Variants in ZEB1 observed in about 807,000 individuals in gnomAD.
The protein encoded by ZEB1 is zinc finger E-box binding homeobox 1.
In ZEB1, 21 loss-of-function variants were observed where a neutral mutation model predicts 84.9. That is an observed-to-expected ratio of 0.25 (90% CI 0.18 to 0.36). ZEB1 has a LOEUF of 0.36. ZEB1 is among the 10% of genes least tolerant of loss of function. ZEB1 has a pLI of 1.00. For missense variants in ZEB1, 1,104 were observed against 1,330.2 expected, an observed-to-expected ratio of 0.83 and a Z score of 2.65; for synonymous variants, 420 against 471.1, an observed-to-expected ratio of 0.89 and a Z score of 1.41.
chr10:31,398,515 GT>G (rs1320092950), intron 1 of ZEB1, among the ~76,000 whole-genome samples: 1 of 151,860 alleles, frequency 6.6e-6, no homozygotes, highest in Non-Finnish European at 1.5e-5. Flanking sequence ...ATAATGTTGA[GT>G]TTTTTCCCCC....
chr10:31,371,723 A>G (rs1421004015), intron 1 of ZEB1, among the ~76,000 whole-genome samples: 1 of 152,188 alleles, frequency 6.6e-6, no homozygotes, highest in African/African-American at 2.4e-5. Flanking sequence ...GAACTTTGTT[A>G]GTCTCTGAAT....
At chr10:31,405,359 A>C (rs1174906753) in intron 1 of ZEB1, among the ~76,000 whole-genome samples, 1 of 152,196 alleles carries the variant, frequency 6.6e-6, no homozygotes, top group East Asian at 1.9e-4. Context: ...ACATAGTTTG[A>C]GAAGTAAAAA....
intron 1 of ZEB1, among the ~76,000 whole-genome samples, chr10:31,422,877 T>A (rs1376641215): frequency 6.6e-6 from 1 of 151,996 alleles, no homozygotes; most frequent in Non-Finnish European, 1.5e-5. Flanking sequence ...TATGTCTATG[T>A]GTGCCCAATG....
chr10:31,420,981 A>G (rs1215977777), intron 1 of ZEB1, among the ~76,000 whole-genome samples: 4 of 152,078 alleles, frequency 2.6e-5, no homozygotes, highest in Non-Finnish European at 5.9e-5. Context: ...CTGAGGACCA[A>G]TTTTCTTGTT....
chr10:31,502,287 G>A lies in ZEB1; in HGVS notation c.323-61G>A, dbSNP rs1281583291. 11 of 1,529,616 alleles carry A rather than the reference G, an allele frequency of 7.2e-6. No homozygotes were observed. In the East Asian group the frequency reaches 2.5e-4, roughly 35 times the overall value. 94.8% of individuals were successfully genotyped at this position (1,529,616 alleles called of 1,614,324 possible). On this transcript the variant is annotated intron_variant, in intron 3 of 8. Transcript: ENST00000424869. The stretch of plus-strand genomic sequence containing the variant: ...CTCAAGATAAATAATTTCTTATTTA[G>A]AAAACCTTTGTAATAACTTAGTGGT...
intron 1 of ZEB1, among the ~76,000 whole-genome samples, chr10:31,370,041 A>T (rs1354431013): frequency 1.3e-5 from 2 of 152,146 alleles, no homozygotes; most frequent in African/African-American, 2.4e-5. Context: ...GCCCATTTTT[A>T]AAAATTGGGT....
chr10:31,423,064 A>T (rs2056424215), intron 1 of ZEB1, among the ~76,000 whole-genome samples: 1 of 152,020 alleles, frequency 6.6e-6, no homozygotes, highest in Non-Finnish European at 1.5e-5. Context: ...ACATGTATAT[A>T]TATAAATGTA....
intron 1 of ZEB1, among the ~76,000 whole-genome samples, chr10:31,449,207 C>A (rs552464155): frequency 9.8e-5 from 15 of 152,316 alleles, no homozygotes; most frequent in South Asian, 2.1e-4. Context: ...TTCTTTGACT[C>A]GGAAAGGGAA....
intron 1 of ZEB1, among the ~76,000 whole-genome samples, chr10:31,456,665 CAACTTAGTAGCTACAT>C (rs1182200998): frequency 6.6e-6 from 1 of 152,104 alleles, no homozygotes; most frequent in African/African-American, 2.4e-5. Flanking sequence ...TTTCACTCTT[CAACTTAGTAGCTACAT>C]AACCTCAGAC....
chr10:31,367,315 T>G (rs1327871753), intron 1 of ZEB1, among the ~76,000 whole-genome samples: 1 of 152,208 alleles, frequency 6.6e-6, no homozygotes, highest in South Asian at 2.1e-4. Flanking sequence ...TCCCCAACTT[T>G]GGTGTGATAC....
At chr10:31,348,659 T>C (rs189103608) in intron 1 of ZEB1, among the ~76,000 whole-genome samples, 18 of 152,194 alleles carry the variant, frequency 1.2e-4, no homozygotes, top group Middle Eastern at 6.8e-3. Context: ...CCATTTCAAA[T>C]AGAAAATGAA....
chr10:31,321,177 C>G (rs1345653121), intron 1 of ZEB1: 1 of 1,083,588 alleles, frequency 9.2e-7, no homozygotes, highest in Non-Finnish European at 1.1e-6. Flanking sequence ...GGTTTTGTAA[C>G]CTTTCCTGGC....
intron 1 of ZEB1, among the ~76,000 whole-genome samples, chr10:31,384,929 C>T (rs1301144013): frequency 6.6e-6 from 1 of 152,096 alleles, no homozygotes. Context: ...GTCGTATTAT[C>T]TGCACTTAGT....
chr10:31,340,451 C>T (rs1408140185), intron 1 of ZEB1, among the ~76,000 whole-genome samples: 1 of 152,162 alleles, frequency 6.6e-6, no homozygotes. Context: ...TTAGTAGTAG[C>T]ACTTAACATT....
intron 1 of ZEB1, among the ~76,000 whole-genome samples, chr10:31,368,661 A>G (rs1398544257): frequency 6.6e-6 from 1 of 152,160 alleles, no homozygotes; most frequent in African/African-American, 2.4e-5. Context: ...AAACTCGTTA[A>G]GCATTTATTT....
intron 1 of ZEB1, chr10:31,363,655 A>G: frequency 7.0e-7 from 1 of 1,434,432 alleles, no homozygotes; most frequent in South Asian, 1.2e-5. Flanking sequence ...AGGAAGTTGA[A>G]GGTTAAACTT....
At chr10:31,479,624 T>A (rs78652765) in intron 2 of ZEB1, among the ~76,000 whole-genome samples, 2,456 of 151,956 alleles carry the variant, frequency 0.016, 52 homozygotes, top group African/African-American at 0.055. Context: ...CATAAGACAT[T>A]AATATTCTGA....
At chr10:31,351,812 A>G (rs2041360166) in intron 1 of ZEB1, among the ~76,000 whole-genome samples, 1 of 152,222 alleles carries the variant, frequency 6.6e-6, no homozygotes, top group Non-Finnish European at 1.5e-5. Context: ...TGTATAACAG[A>G]AATTTAAAAT....
At chr10:31,427,041 C>G (rs980567788) in intron 1 of ZEB1, among the ~76,000 whole-genome samples, 2 of 151,810 alleles carry the variant, frequency 1.3e-5, no homozygotes, top group South Asian at 4.1e-4. Flanking sequence ...ATTGTAGTCT[C>G]TCTTACTTCT....
Sources: allele counts gnomAD v4.1 joint callset (sites outside exome capture counted in the v4.1 genomes callset), GRCh38; gene constraint gnomAD v4.1.1; transcripts MANE v1.5; gene names NCBI Gene and HGNC (gene_info 2026-07-23, HGNC 2026-07-21).